KIZ: variants seen among roughly 807,000 people sequenced by gnomAD.
KIZ encodes kizuna centrosomal protein, also known as centrosomal protein kizuna.
KIZ carries 68 observed loss-of-function variants against 79.6 expected under a neutral mutation model. The ratio of observed to expected loss-of-function variants is 0.85; its 90% confidence interval spans 0.70 to 1.05. The LOEUF is 1.05. Among genes scored for constraint, KIZ ranks in the 50% least tolerant of loss-of-function variants. KIZ has a pLI of 0.00. For synonymous variants in KIZ, 280 were observed against 281.8 expected, an observed-to-expected ratio of 0.99 and a Z score of 0.06; for missense variants, 797 against 800.4, an observed-to-expected ratio of 1.00 and a Z score of 0.05.
chr20:21,200,192 G>A (rs1336409337), intron 6 of KIZ, among the ~76,000 whole-genome samples: 1 of 152,118 alleles, frequency 6.6e-6, no homozygotes, highest in Non-Finnish European at 1.5e-5. Flanking sequence ...ATTGTTTGGT[G>A]TAGCAGCAGC....
chr20:21,174,260 T>TTA (rs2034342931), intron 6 of KIZ, among the ~76,000 whole-genome samples: 4 of 152,154 alleles, frequency 2.6e-5, no homozygotes, highest in Admixed American at 1.3e-4. Flanking sequence ...ACACCTTTAT[T>TTA]TATAATCATT....
chr20:21,237,391 A>C (rs1431933662), intron 11 of KIZ, among the ~76,000 whole-genome samples: 1 of 151,742 alleles, frequency 6.6e-6, no homozygotes, highest in Non-Finnish European at 1.5e-5. Context: ...CTTTCCTCCA[A>C]ATTCCACCCC....
At chr20:21,202,664 T>G (rs1373028564) in intron 6 of KIZ, among the ~76,000 whole-genome samples, 1 of 152,134 alleles carries the variant, frequency 6.6e-6, no homozygotes, top group Non-Finnish European at 1.5e-5. Context: ...ATTATGAAAT[T>G]TTTCAAACAT....
chr20:21,223,944 C>T (rs1468305605), intron 9 of KIZ, among the ~76,000 whole-genome samples: 1 of 152,118 alleles, frequency 6.6e-6, no homozygotes, highest in African/African-American at 2.4e-5. Context: ...TCCCAGAGTG[C>T]TGGGATTACA....
chr20:21,189,914 G>A (rs1358977122), intron 6 of KIZ, among the ~76,000 whole-genome samples: 1 of 152,164 alleles, frequency 6.6e-6, no homozygotes, highest in Non-Finnish European at 1.5e-5. Context: ...CCCCCTGGAA[G>A]GGACCACCCA....
intron 4 of KIZ, among the ~76,000 whole-genome samples, chr20:21,156,009 A>G (rs1179158447): frequency 6.6e-6 from 1 of 152,228 alleles, no homozygotes; most frequent in Non-Finnish European, 1.5e-5. Context: ...CCATGTATTC[A>G]GCCACCAGCG....
At chr20:21,153,828 G>A (rs2033237570) in intron 4 of KIZ, among the ~76,000 whole-genome samples, 1 of 151,830 alleles carries the variant, frequency 6.6e-6, no homozygotes, top group African/African-American at 2.4e-5. Flanking sequence ...CCTCTTATAA[G>A]GACACCAATT....
At chr20:21,181,314 G>T (rs912592337) in intron 6 of KIZ, among the ~76,000 whole-genome samples, 1 of 152,202 alleles carries the variant, frequency 6.6e-6, no homozygotes, top group Non-Finnish European at 1.5e-5. Flanking sequence ...CACACCAATG[G>T]CAAGGGTTCT....
chr20:21,211,501 G>A (rs1439872469), intron 7 of KIZ, among the ~76,000 whole-genome samples: 1 of 152,190 alleles, frequency 6.6e-6, no homozygotes, highest in Admixed American at 6.5e-5. Flanking sequence ...TAACAGGTAA[G>A]TTGAAACCCA....
intron 1 of KIZ, among the ~76,000 whole-genome samples, chr20:21,130,104 C>T (rs1007197406): frequency 6.6e-6 from 1 of 152,028 alleles, no homozygotes; most frequent in African/African-American, 2.4e-5. Context: ...ACGATGCTCC[C>T]TTTTTTTTCC....
Position 21,214,701 on chromosome 20 carries a change from G to T in KIZ, c.1612+1G>T. ...AACAGTGTTCCTACAAGGGAACAAGGTAACTATTGTTAAAGTGTGTGTCCA... is the reference window on the plus strand; with the variant it reads ...AACAGTGTTCCTACAAGGGAACAAGTTAACTATTGTTAAAGTGTGTGTCCA... On this transcript the variant is annotated splice_donor_variant, in intron 8 of 12. Coordinates refer to ENST00000619189, the MANE Select transcript of KIZ (RefSeq NM_018474.6). LOFTEE classifies it high-confidence loss of function. The T allele has an allele frequency of 6.2e-7, 1 of 1,607,092 alleles. No homozygotes were observed.
At chr20:21,210,018 T>G (rs1290294313) in intron 7 of KIZ, among the ~76,000 whole-genome samples, 2 of 152,190 alleles carry the variant, frequency 1.3e-5, no homozygotes, top group East Asian at 3.8e-4. Context: ...TATATAACCC[T>G]GTTAACATTA....
At chr20:21,214,746 G>GTCA (rs750423913) in intron 8 of KIZ, 46 bp downstream of exon 8, 1 of 1,282,476 alleles carries the variant, frequency 7.8e-7, no homozygotes, top group Admixed American at 1.7e-5. Flanking sequence ...GGCATTCAGG[G>GTCA]TCATCATCAT....
At chr20:21,133,831 ACCTTCAGAGGAG>A (rs993153078) in intron 2 of KIZ, among the ~76,000 whole-genome samples, 3 of 152,172 alleles carry the variant, frequency 2.0e-5, no homozygotes, top group African/African-American at 7.2e-5. Flanking sequence ...GTCCCTCCAG[ACCTTCAGAGGAG>A]CCTTCAGAGG....
chr20:21,212,488 A>AGC (rs754684315), intron 7 of KIZ, among the ~76,000 whole-genome samples: 91 of 152,222 alleles, frequency 6.0e-4, no homozygotes, highest in Non-Finnish European at 1.2e-3. Context: ...CTCATTTGTA[A>AGC]GCTAATGTAA....
intron 3 of KIZ, among the ~76,000 whole-genome samples, chr20:21,141,883 G>A (rs1307171455): frequency 6.7e-6 from 1 of 149,622 alleles, no homozygotes; most frequent in African/African-American, 2.5e-5. Context: ...ACACAGACGT[G>A]CACATTTTTT....
At chr20:21,135,408 G>T (rs1475261902) in intron 2 of KIZ, among the ~76,000 whole-genome samples, 1 of 152,310 alleles carries the variant, frequency 6.6e-6, no homozygotes, top group African/African-American at 2.4e-5. Context: ...CCAGCCTTCA[G>T]TTTTTATTCA....
At chr20:21,229,707 T>C (rs1421709876) in intron 10 of KIZ, among the ~76,000 whole-genome samples, 3 of 152,060 alleles carry the variant, frequency 2.0e-5, no homozygotes, top group South Asian at 4.1e-4. Flanking sequence ...CCCAAGTAGC[T>C]GGGACTACAG....
At chr20:21,132,214 A>T in intron 2 of KIZ, 55 bp downstream of exon 2, 1 of 813,326 alleles carries the variant, frequency 1.2e-6, no homozygotes, top group Middle Eastern at 3.1e-4. Flanking sequence ...ATTAATCAAA[A>T]ATGTAACCCT....
Sources: allele counts gnomAD v4.1 joint callset (sites outside exome capture counted in the v4.1 genomes callset), GRCh38; gene constraint gnomAD v4.1.1; transcripts MANE v1.5; gene names NCBI Gene and HGNC (gene_info 2026-07-23, HGNC 2026-07-21).